The following OPA3 variants were observed in gnomAD, a reference collection of about 807,000 sequenced individuals.
OPA3 encodes optic atrophy 3 protein.
OPA3 carries 6 observed loss-of-function variants against 4.0 expected under a neutral mutation model. The ratio of observed to expected loss-of-function variants is 1.51; its 90% CI spans 0.83 to 2.99. The LOEUF is 2.99. OPA3 is among the 30% of genes most tolerant of loss of function. The pLI is 0.00. For missense variants in OPA3, 235 were observed against 256.2 expected, an observed-to-expected ratio of 0.92 and a Z score of 0.56; for synonymous variants, 105 against 117.1, an observed-to-expected ratio of 0.90 and a Z score of 0.67.
At position 45,551,898 on chromosome 19, in the gene OPA3, G is replaced by A; in HGVS notation, c.*1616C>T. On this transcript the variant is annotated 3_prime_UTR_variant, in exon 2 of 2. Transcript: ENST00000263275. ...TGAATCCATGGGCTTGGATTCGACT[G>A]GGTCCCTGAGAAATGCTACTGAGCA... The A allele has an allele frequency of 5.1e-6, 5 of 985,614 alleles. No homozygotes were observed. The highest frequency in any genetic ancestry group is 6.0e-6 in the Non-Finnish European group (5 of 830,070). The allele number at this position is 985,614 out of a possible 1,614,324, so 61.1% of individuals were successfully genotyped here.
intron 1 of OPA3, among the ~76,000 whole-genome samples, chr19:45,563,996 G>C (rs925352403): frequency 2.6e-5 from 4 of 151,932 alleles, no homozygotes; most frequent in Non-Finnish European, 4.4e-5. Context: ...GACCAAAACA[G>C]ATAATTAAAA....
chr19:45,574,396 CAA>C (rs779877314), intron 1 of OPA3, among the ~76,000 whole-genome samples: 13 of 72,546 alleles, frequency 1.8e-4, no homozygotes, highest in Non-Finnish European at 1.5e-4. Context: ...GACTCTGTCT[CAA>C]AAAAAAAAAA....
At chr19:45,572,525 G>GAT (rs551652854) in intron 1 of OPA3, among the ~76,000 whole-genome samples, 20 of 119,304 alleles carry the variant, frequency 1.7e-4, no homozygotes, top group East Asian at 1.5e-3. Flanking sequence ...TGAGATATGA[G>GAT]ATATATATAT....
chr19:45,548,858 T>TA lies in OPA3; in HGVS notation c.*4655dup, dbSNP rs1204090977. ...TCGCTCTGTCACCCAGGCTGGAGTATAATGGCATGATCTCGGCTCACTGCA... is the reference window on the plus strand; with the variant it reads ...TCGCTCTGTCACCCAGGCTGGAGTATAAATGGCATGATCTCGGCTCACTGCA... On this transcript the variant is annotated 3_prime_UTR_variant, in exon 2 of 2. Coordinates refer to ENST00000263275, the MANE Select transcript of OPA3 (RefSeq NM_025136.4). The TA allele has an allele frequency of 1.8e-6, 1 of 563,498 alleles. No homozygotes were observed. The highest frequency in any genetic ancestry group is 2.2e-6 in the Non-Finnish European group (1 of 445,460). The allele number at this position is 563,498 out of a possible 1,614,324, so 34.9% of individuals were successfully genotyped here.
Position 45,553,271 on chromosome 19 carries a change from T to G in OPA3, c.*243A>C, listed in dbSNP as rs1969363758. The G allele has an allele frequency of 7.0e-7, 1 of 1,423,124 alleles. No individual in the cohort carries two copies. Among genetic ancestry groups the G allele is most frequent in the Admixed American group, 2.9e-5 (1 of 34,702 alleles). 88.2% of individuals were successfully genotyped at this position (1,423,124 alleles called of 1,614,324 possible). ...GTCCTGCTGGCTGGGACCTTGCAGG[T>G]CGTCCTGGTTTGGAGTGGGGGATAG... On this transcript the variant is annotated 3_prime_UTR_variant, in exon 2 of 2. Transcript: ENST00000263275.
In OPA3 at chr19:45,574,845, C is replaced by G. The variant is rs1000335583; in HGVS notation, c.142+9778G>C. 2.6e-5 allele frequency among the ~76,000 whole-genome samples: 4 copies of G among 152,106 alleles called. No homozygotes were observed. In the East Asian group the frequency reaches 7.7e-4, roughly 29 times the overall value. ...TGCTTCTTCCCTCATGAAAATCTGG[C>G]TGTTGGGGAGTCCTGAGCAGCCATG... On this transcript the variant is annotated intron_variant, in intron 1 of 1. Transcript: ENST00000263275.
rs993407622 is a variant in OPA3, at chr19:45,549,815, G to C, written c.*3699C>G. 2.0e-6 allele frequency: 2 copies of C among 985,300 alleles called. No homozygotes were observed. Among genetic ancestry groups the C allele is most frequent in the South Asian group, 4.7e-5 (1 of 21,276 alleles). The allele number at this position is 985,300 out of a possible 1,614,324, so 61.0% of individuals were successfully genotyped here. ...AACACAGCCCACTCAGGACCCACTC[G>C]GTCAGTTCCCTCTGCTCCAGCTTCT... is the stretch of plus-strand genomic sequence containing the variant. On this transcript the variant is annotated 3_prime_UTR_variant, in exon 2 of 2. Coordinates refer to ENST00000263275, the MANE Select transcript of OPA3 (RefSeq NM_025136.4).
rs1428235319 is a variant in OPA3, at chr19:45,546,355, ATGT to A, written c.*7156_*7158del. ...GCACATACACTACATATAATAGATG[ATGT>A]TATGTTACACATGACATAAAATATA... On this transcript the variant is annotated 3_prime_UTR_variant, in exon 2 of 2. Coordinates refer to ENST00000263275, the MANE Select transcript of OPA3 (RefSeq NM_025136.4). 6 of 677,000 alleles carry A rather than the reference ATGT, an allele frequency of 8.9e-6. No homozygotes were observed. The highest frequency in any genetic ancestry group is 2.0e-5 in the African/African-American group (1 of 51,218). The allele number at this position is 677,000 out of a possible 1,614,324, so 41.9% of individuals were successfully genotyped here. A position where few individuals can be genotyped will look rare whatever the true frequency, so the allele number is the denominator to read the frequency against.
rs1351717889 is a variant in OPA3 at position 45,549,365 on chromosome 19, G to C, written c.*4149C>G. 4 of 125,490 alleles carry C rather than the reference G, an allele frequency of 3.2e-5. No homozygotes were observed. The highest frequency in any genetic ancestry group is 3.6e-5 in the Non-Finnish European group (4 of 111,618). The allele number at this position is 125,490 out of a possible 1,614,324, so 7.8% of individuals were successfully genotyped here. On this transcript the variant is annotated 3_prime_UTR_variant, in exon 2 of 2. Coordinates refer to ENST00000263275, the MANE Select transcript of OPA3 (RefSeq NM_025136.4). The stretch of plus-strand genomic sequence containing the variant: ...GCCCACGATGACTGGCTGCCTGTCA[G>C]GGCAGGGCAGGGCAGGGCTGAGTGC...
At chr19:45,529,359 G>A (rs1292673838) in exon 2 of OPA3, 1 of 1,614,180 alleles carries the variant, frequency 6.2e-7, no homozygotes. Context: ...GCAGCTCCGC[G>A]CCCAGCTCGG....
At chr19:45,529,397 T>G (rs1384912230) in exon 2 of OPA3, 2 of 1,614,212 alleles carry the variant, frequency 1.2e-6, no homozygotes, top group Non-Finnish European at 1.7e-6. Context: ...AGCGGCTTGA[T>G]GGCAGCGGCA....
At position 45,549,922 on chromosome 19, in the gene OPA3, C is replaced by T. The variant is rs1969306787; in HGVS notation, c.*3592G>A. The T allele has an allele frequency of 2.1e-6, 2 of 960,772 alleles. No individual in the cohort carries two copies. Among genetic ancestry groups the T allele is most frequent in the Non-Finnish European group, 1.2e-6 (1 of 807,716 alleles). The allele number at this position is 960,772 out of a possible 1,614,324, so 59.5% of individuals were successfully genotyped here. On this transcript the variant is annotated 3_prime_UTR_variant, in exon 2 of 2. Coordinates refer to ENST00000263275, the MANE Select transcript of OPA3 (RefSeq NM_025136.4). ...CCTGTAATCCCAGCACTTTGGGAGGCCGAGGCGGGCGGATTACCTGAGGTC... is the reference window on the plus strand; with the variant it reads ...CCTGTAATCCCAGCACTTTGGGAGGTCGAGGCGGGCGGATTACCTGAGGTC...
downstream of OPA3, among the ~76,000 whole-genome samples, chr19:45,541,792 T>C (rs1294804317): frequency 1.3e-5 from 2 of 152,152 alleles, no homozygotes; most frequent in African/African-American, 4.8e-5. Context: ...CTTGAACTCC[T>C]GGGCTCAAGC....
At chr19:45,541,611 C>A (rs1303157694), downstream of OPA3, among the ~76,000 whole-genome samples, 2 of 152,108 alleles carry the variant, frequency 1.3e-5, no homozygotes. Flanking sequence ...GTTAGCCAGG[C>A]TGGAGTGCAG....
At chr19:45,576,547 C>CG (rs1555735885) in intron 1 of OPA3, among the ~76,000 whole-genome samples, 1 of 113,282 alleles carries the variant, frequency 8.8e-6, no homozygotes, top group African/African-American at 3.0e-5. Context: ...CCCCCCCCCC[C>CG]AAAAAAAAAA....
Position 45,553,915 on chromosome 19 carries a change from C to T in OPA3, c.143-4G>A, listed in dbSNP as rs772876364. On this transcript the variant is annotated splice_polypyrimidine_tract_variant and splice_region_variant and intron_variant, in intron 1 of 1. Coordinates refer to ENST00000263275, the MANE Select transcript of OPA3 (RefSeq NM_025136.4). ...CGCATCTCCACCCAGTGATACACTG[C>T]GGGGGAAGAGAGGGGTCAGGCTGCG... 3 of 1,601,296 alleles carry T rather than the reference C, an allele frequency of 1.9e-6. No individual in the cohort carries two copies. The highest frequency in any genetic ancestry group is 4.5e-5 in the East Asian group (2 of 44,484).
At chr19:45,562,343 CAAA>C (rs1218744939) in intron 1 of OPA3, among the ~76,000 whole-genome samples, 38 of 69,518 alleles carry the variant, frequency 5.5e-4, no homozygotes, top group African/African-American at 1.7e-3. Context: ...GACTCCATCT[CAAA>C]AAAAAAAAAA....
intron 1 of OPA3, among the ~76,000 whole-genome samples, chr19:45,538,276 C>T (rs1339899454): frequency 1.3e-5 from 2 of 151,880 alleles, no homozygotes; most frequent in Non-Finnish European, 2.9e-5. Context: ...CACAAAATAG[C>T]TGGGTGTGGT....
At chr19:45,559,994 G>A (rs1455719353) in intron 1 of OPA3, among the ~76,000 whole-genome samples, 2 of 152,248 alleles carry the variant, frequency 1.3e-5, no homozygotes, top group East Asian at 3.9e-4. Context: ...TGACAGGATT[G>A]GGAGAATGGC....
Sources: gnomAD v4.1 joint callset for allele counts (sites outside exome capture counted in the v4.1 genomes callset) on GRCh38, gnomAD v4.1.1 for gene constraint, MANE v1.5 for transcripts, NCBI Gene and HGNC (gene_info 2026-07-23, HGNC 2026-07-21) for gene names.